PRMT3: variants seen among roughly 807,000 people sequenced by gnomAD.
PRMT3 encodes protein arginine methyltransferase 3, also known as protein arginine N-methyltransferase 3.
A neutral mutation model predicts 71.9 loss-of-function variants in PRMT3; 62 were observed. The ratio of observed to expected loss-of-function variants is 0.86; its 90% CI spans 0.70 to 1.07. PRMT3 has a LOEUF of 1.07. PRMT3 is among the 50% of genes least tolerant of loss of function. The probability of loss-of-function intolerance (pLI) is 0.00; values close to 1 mark genes in which losing one functional copy is unlikely to be tolerated. For missense variants in PRMT3, 663 were observed against 643.0 expected (o/e 1.03, Z -0.34); for synonymous variants, 213 against 220.4 (o/e 0.97, Z 0.30).
At chr11:20,455,485 T>C (rs902081268) in intron 11 of PRMT3, among the ~76,000 whole-genome samples, 25 of 152,128 alleles carry the variant, frequency 1.6e-4, no homozygotes, top group Non-Finnish European at 2.6e-4. Context: ...TGTGTGACTT[T>C]ATCAAAGCAC....
chr11:20,439,861 G>A (rs1273403184), intron 10 of PRMT3, among the ~76,000 whole-genome samples: 4 of 152,150 alleles, frequency 2.6e-5, no homozygotes, highest in Non-Finnish European at 5.9e-5. Context: ...AGGACTTTGT[G>A]TACTAGATAT....
At chr11:20,417,509 C>G (rs893758385) in intron 9 of PRMT3, among the ~76,000 whole-genome samples, 2 of 152,150 alleles carry the variant, frequency 1.3e-5, no homozygotes, top group Admixed American at 1.3e-4. Flanking sequence ...TGTCTCCCCA[C>G]TAGACCATCT....
At position 20,407,908 on chromosome 11, in the gene PRMT3, T is replaced by C. The variant is rs10741836; in HGVS notation, c.772-3T>C. The C allele has an allele frequency of 0.98, 1,570,328 of 1,605,658 alleles. 771,317 individuals are homozygous for C. The highest frequency in any genetic ancestry group is 1 in the Non-Finnish European group (1,170,924 of 1,175,436). Reference sequence around the variant, plus strand: ...TGTTTTGGTTTTTTCTTAATTACCCTAGGTAGTTTTGGATGTTGGGTGTGG... The same window carrying C: ...TGTTTTGGTTTTTTCTTAATTACCCCAGGTAGTTTTGGATGTTGGGTGTGG... On this transcript the variant is annotated splice_region_variant and splice_polypyrimidine_tract_variant and intron_variant, in intron 8 of 15. Coordinates refer to ENST00000331079, the MANE Select transcript of PRMT3 (RefSeq NM_005788.4).
intron 15 of PRMT3, among the ~76,000 whole-genome samples, chr11:20,495,750 A>G (rs1851317414): frequency 1.3e-5 from 2 of 152,308 alleles, no homozygotes; most frequent in Non-Finnish European, 2.9e-5. Flanking sequence ...ACTGCTTACT[A>G]CATATAAGTC....
intron 9 of PRMT3, among the ~76,000 whole-genome samples, chr11:20,416,746 A>T (rs1318551730): frequency 1.3e-5 from 2 of 152,158 alleles, no homozygotes; most frequent in Non-Finnish European, 2.9e-5. Flanking sequence ...GTAAATAAAG[A>T]TGATACATTT....
intron 13 of PRMT3, among the ~76,000 whole-genome samples, chr11:20,469,473 G>T (rs2133413347): frequency 6.6e-6 from 1 of 152,262 alleles, no homozygotes; most frequent in East Asian, 1.9e-4. Context: ...TAGAACAAAT[G>T]AGTTGTTTAC....
Position 20,397,738 on chromosome 11 carries a change from A to T in PRMT3, c.705+17A>T. The T allele has an allele frequency of 6.2e-7, 1 of 1,612,676 alleles. No individual in the cohort carries two copies. Among genetic ancestry groups the T allele is most frequent in the Non-Finnish European group, 8.5e-7 (1 of 1,179,328 alleles). On this transcript the variant is annotated intron_variant, in intron 7 of 15. Transcript: ENST00000331079. ...ATGCTAAAGGTTAGAAAAGAACACA[A>T]ATGCGTCAAATCCATACTAAAGGAA...
chr11:20,504,225 T>G (rs1194405354), intron 15 of PRMT3, among the ~76,000 whole-genome samples: 1 of 152,218 alleles, frequency 6.6e-6, no homozygotes, highest in Non-Finnish European at 1.5e-5. Context: ...TATATTCACT[T>G]GCTCCATCAT....
At chr11:20,444,213 A>G (rs1437920854) in intron 10 of PRMT3, among the ~76,000 whole-genome samples, 1 of 152,100 alleles carries the variant, frequency 6.6e-6, no homozygotes, top group Non-Finnish European at 1.5e-5. Context: ...CTGGTCCCCA[A>G]AAAAATGTTA....
intron 13 of PRMT3, among the ~76,000 whole-genome samples, chr11:20,480,780 A>T (rs1850912231): frequency 6.6e-6 from 1 of 152,156 alleles, no homozygotes; most frequent in African/African-American, 2.4e-5. Context: ...AATAACTCCC[A>T]TTGCTCTCAG....
At chr11:20,415,017 G>GTGT (rs1555009387) in intron 9 of PRMT3, among the ~76,000 whole-genome samples, 1 of 135,316 alleles carries the variant, frequency 7.4e-6, no homozygotes, top group Admixed American at 7.4e-5. Flanking sequence ...TGGTGGTAGT[G>GTGT]GTGTGTGTGT....
Position 20,462,280 on chromosome 11 carries a change from C to T in PRMT3, c.1260+113C>T, listed in dbSNP as rs1850404065. On this transcript the variant is annotated intron_variant, in intron 12 of 15. Coordinates refer to ENST00000331079, the MANE Select transcript of PRMT3 (RefSeq NM_005788.4). ...TGGGCTTTCAAAACAGTACTTTTCC[C>T]ATTGTAATCAGTCTAAAACAAATTG... is the stretch of plus-strand genomic sequence containing the variant. The T allele has an allele frequency of 9.6e-6, 8 of 832,872 alleles. No homozygotes were observed. The South Asian group carries it at 1.1e-4, about 12-fold the overall frequency. The allele number at this position is 832,872 out of a possible 1,614,324, so 51.6% of individuals were successfully genotyped here.
In PRMT3 at chr11:20,497,904, A is replaced by C. The variant is rs968336100; in HGVS notation, c.1486+3650A>C. On this transcript the variant is annotated intron_variant, in intron 15 of 15. Transcript: ENST00000331079. ...AAAGGAAAACAAAATGGATACATTC[A>C]ACCAAACAATGGGTGCAGGAAAATG... is the stretch of plus-strand genomic sequence containing the variant. 3.9e-5 allele frequency among the ~76,000 whole-genome samples: 6 copies of C among 152,258 alleles called. 1 individual carries two copies. In the South Asian group the frequency reaches 8.3e-4, roughly 21 times the overall value.
At chr11:20,401,961 T>A (rs1475246449) in intron 7 of PRMT3, among the ~76,000 whole-genome samples, 1 of 152,146 alleles carries the variant, frequency 6.6e-6, no homozygotes, top group East Asian at 1.9e-4. Flanking sequence ...GGAATGTAAA[T>A]CAGATAGGTG....
At chr11:20,466,029 A>C (rs1850503793) in intron 13 of PRMT3, among the ~76,000 whole-genome samples, 1 of 152,212 alleles carries the variant, frequency 6.6e-6, no homozygotes, top group African/African-American at 2.4e-5. Context: ...AGTGCCTATC[A>C]CATGAATCAA....
At chr11:20,485,093 C>G (rs1261602791) in intron 13 of PRMT3, among the ~76,000 whole-genome samples, 2 of 151,980 alleles carry the variant, frequency 1.3e-5, no homozygotes, top group Non-Finnish European at 2.9e-5. Context: ...AGACTGTGCC[C>G]AAGAATAAGG....
chr11:20,489,334 C>T (rs1421495651), intron 13 of PRMT3, among the ~76,000 whole-genome samples: 1 of 152,138 alleles, frequency 6.6e-6, no homozygotes, highest in Non-Finnish European at 1.5e-5. Flanking sequence ...CAGCAGTTCT[C>T]ATTGCCCCAA....
At chr11:20,455,489 A>G (rs1850248217) in intron 11 of PRMT3, among the ~76,000 whole-genome samples, 1 of 152,122 alleles carries the variant, frequency 6.6e-6, no homozygotes, top group South Asian at 2.1e-4. Context: ...TGACTTTATC[A>G]AAGCACATGC....
intron 7 of PRMT3, among the ~76,000 whole-genome samples, chr11:20,400,142 C>A (rs1480823233): frequency 2.0e-5 from 3 of 152,136 alleles, no homozygotes; most frequent in Non-Finnish European, 4.4e-5. Context: ...AGGTATATTA[C>A]CACTAGAATC....
Sources: gnomAD v4.1 joint callset for allele counts (sites outside exome capture counted in the v4.1 genomes callset) on GRCh38, gnomAD v4.1.1 for gene constraint, MANE v1.5 for transcripts, NCBI Gene and HGNC (gene_info 2026-07-23, HGNC 2026-07-21) for gene names.